ROS1: variants seen among roughly 807,000 people sequenced by gnomAD.
ROS1 encodes the protein proto-oncogene tyrosine-protein kinase ROS.
ROS1 carries 263 observed loss-of-function variants against 273.5 expected under a neutral mutation model. The ratio of observed to expected loss-of-function variants is 0.96; its 90% CI spans 0.87 to 1.06. ROS1 has a LOEUF of 1.06. Among genes scored for constraint, ROS1 ranks in the 50% least tolerant of loss-of-function variants. The pLI is 0.00. For synonymous variants in ROS1, 1,008 were observed against 954.1 expected (o/e 1.06, Z -1.04); for missense variants, 2,833 against 2,751.1 (o/e 1.03, Z -0.67).
At chr6:117,418,076 T>TA (rs564308548) in intron 2 of ROS1, among the ~76,000 whole-genome samples, 111 of 152,336 alleles carry the variant, frequency 7.3e-4, no homozygotes, top group Middle Eastern at 3.4e-3. Context: ...GCTTATACCT[T>TA]AAGTCACTAA....
At chr6:117,395,396 G>A (rs1322686535) in intron 9 of ROS1, among the ~76,000 whole-genome samples, 2 of 151,942 alleles carry the variant, frequency 1.3e-5, no homozygotes, top group African/African-American at 2.4e-5. Context: ...TAGAGTCTAG[G>A]AACAGCCAAA....
intron 43 of ROS1, among the ~76,000 whole-genome samples, chr6:117,300,098 T>TTTG (rs2128534985): frequency 7.2e-6 from 1 of 139,756 alleles, no homozygotes; most frequent in Non-Finnish European, 1.5e-5. Flanking sequence ...TTTTTTTTTT[T>TTTG]TTTTTTTTTT....
chr6:117,349,676 G>A (rs1276544359), intron 27 of ROS1, among the ~76,000 whole-genome samples: 2 of 151,690 alleles, frequency 1.3e-5, no homozygotes, highest in African/African-American at 4.8e-5. Flanking sequence ...TCTGACTTTT[G>A]TGGTTTTATT....
chr6:117,340,526 C>T (rs1317473263), intron 31 of ROS1, among the ~76,000 whole-genome samples: 1 of 152,032 alleles, frequency 6.6e-6, no homozygotes, highest in African/African-American at 2.4e-5. Context: ...AATTAATAAT[C>T]AATTTTGAGT....
At chr6:117,401,453 T>C (rs1377223491) in intron 7 of ROS1, among the ~76,000 whole-genome samples, 1 of 152,212 alleles carries the variant, frequency 6.6e-6, no homozygotes, top group African/African-American at 2.4e-5. Flanking sequence ...CTTTAAAATC[T>C]ATCATCATAC....
At chr6:117,336,298 AT>A (rs1777457767) in intron 32 of ROS1, among the ~76,000 whole-genome samples, 1 of 151,848 alleles carries the variant, frequency 6.6e-6, no homozygotes, top group Admixed American at 6.6e-5. Flanking sequence ...TGCATTAGCT[AT>A]TTTTCCTAAT....
Position 117,362,629 on chromosome 6 carries a change from T to C in ROS1, c.3340A>G (p.Ser1114Gly). The stretch of plus-strand genomic sequence containing the variant: ...TGGAAGGCAATAAAGCATCTGGGAC[T>C]CATGCCTTCAAGTTGAAAAGACATC... The part of the protein sequence containing the change: ...SVMSFQLEGM[S>G]PRCFIAFQVR... Residue 1114 changes from serine to glycine, a missense_variant, in exon 22 of 44, where the codon AGT (serine) becomes GGT (glycine). By Grantham distance (56) the Ser-to-Gly change is moderately conservative. Transcript: ENST00000368507. The C allele has an allele frequency of 6.2e-7, 1 of 1,613,586 alleles. No homozygotes were observed. Among genetic ancestry groups the C allele is most frequent in the Non-Finnish European group, 8.5e-7 (1 of 1,179,684 alleles).
At chr6:117,302,833 C>A (rs1253304425) in intron 42 of ROS1, among the ~76,000 whole-genome samples, 1 of 152,126 alleles carries the variant, frequency 6.6e-6, no homozygotes. Context: ...GTAATTCTCC[C>A]AAACTAGGGG....
intron 3 of ROS1, among the ~76,000 whole-genome samples, chr6:117,415,853 C>T (rs1036436732): frequency 6.6e-6 from 1 of 152,154 alleles, no homozygotes; most frequent in Non-Finnish European, 1.5e-5. Context: ...GTTACAAGTG[C>T]AGAATCTCAG....
At chr6:117,408,827 A>G (rs1232397946) in intron 5 of ROS1, among the ~76,000 whole-genome samples, 1 of 152,172 alleles carries the variant, frequency 6.6e-6, no homozygotes, top group Non-Finnish European at 1.5e-5. Context: ...ATGTCCAACA[A>G]TGATAGACTG....
chr6:117,332,128 TA>T (rs1777120441), intron 32 of ROS1, among the ~76,000 whole-genome samples: 2 of 108,294 alleles, frequency 1.8e-5, no homozygotes, highest in South Asian at 5.5e-4. Context: ...AGGCTCAAAA[TA>T]AAGGGATTGA....
intron 33 of ROS1, among the ~76,000 whole-genome samples, chr6:117,327,513 C>T (rs1776728699): frequency 6.6e-6 from 1 of 152,148 alleles, no homozygotes; most frequent in Non-Finnish European, 1.5e-5. Context: ...GGTTGAGCAC[C>T]TTCTATTTAC....
Position 117,389,522 on chromosome 6 carries a change from G to A in ROS1, c.1614C>T (p.Ile538=), listed in dbSNP as rs527529345. ...QQDALSFNEF[I]VGCDLSHIEE... is the part of the protein sequence containing the mutation. Reference sequence around the variant, plus strand: ...CTATGTGACTCAGGTCACATCCCACGATGAATTCATTAAAAGACAAAGCAT... The same window carrying A: ...CTATGTGACTCAGGTCACATCCCACAATGAATTCATTAAAAGACAAAGCAT... Residue 538 remains isoleucine, a synonymous_variant, in exon 13 of 44, where the codon ATC becomes ATT. Coordinates refer to ENST00000368507, the MANE Select transcript of ROS1 (RefSeq NM_001378902.1). The A allele has an allele frequency of 1.6e-5, 26 of 1,614,152 alleles. No homozygotes were observed. The highest frequency in any genetic ancestry group is 1.3e-4 in the East Asian group (6 of 44,882).
chr6:117,362,486 A>G (rs999970711), intron 22 of ROS1, 117 bp downstream of exon 22: 4 of 913,212 alleles, frequency 4.4e-6, no homozygotes, highest in African/African-American at 3.4e-5. Context: ...ATAGTGGCCA[A>G]TCAAAATCTA....
chr6:117,314,594 A>T (rs565931015), intron 39 of ROS1, among the ~76,000 whole-genome samples: 38 of 152,232 alleles, frequency 2.5e-4, no homozygotes, highest in African/African-American at 8.9e-4. Context: ...AACCAGAACA[A>T]CTCCAAGTTC....
intron 32 of ROS1, 74 bp downstream of exon 32, chr6:117,337,098 G>T (rs2128616285): frequency 8.9e-7 from 1 of 1,126,936 alleles, no homozygotes; most frequent in East Asian, 2.4e-5. Context: ...TATATCTCTA[G>T]GATTAGTGAA....
At chr6:117,352,767 T>A (rs1470419415) in intron 27 of ROS1, among the ~76,000 whole-genome samples, 1 of 152,190 alleles carries the variant, frequency 6.6e-6, no homozygotes, top group Non-Finnish European at 1.5e-5. Context: ...GTTTCCCATG[T>A]CTAAAGTTGC....
intron 17 of ROS1, 23 bp downstream of exon 17, chr6:117,383,294 G>A (rs1280026818): frequency 1.0e-5 from 16 of 1,574,400 alleles, no homozygotes; most frequent in Non-Finnish European, 1.4e-5. Flanking sequence ...ATTACTAAAT[G>A]ATCAGATCTT....
At chr6:117,305,841 A>T (rs1775057616) in intron 42 of ROS1, among the ~76,000 whole-genome samples, 1 of 152,170 alleles carries the variant, frequency 6.6e-6, no homozygotes. Flanking sequence ...GCACCAAGTT[A>T]TAGTTACAAA....
Sources: gnomAD v4.1 joint callset for allele counts (sites outside exome capture counted in the v4.1 genomes callset) on GRCh38, gnomAD v4.1.1 for gene constraint, MANE v1.5 for transcripts, NCBI Gene and HGNC (gene_info 2026-07-23, HGNC 2026-07-21) for gene names.